TGFBR1: variants seen among roughly 807,000 people sequenced by gnomAD.
TGFBR1 encodes transforming growth factor beta receptor 1.
Under a neutral mutation model 55.1 loss-of-function variants are expected in TGFBR1, and 20 were observed. The ratio of observed to expected loss-of-function variants is 0.36; its 90% CI spans 0.26 to 0.53. The LOEUF (loss-of-function observed/expected upper bound fraction) is 0.53. TGFBR1 is among the 20% of genes least tolerant of loss of function. The pLI is 0.91. For synonymous variants in TGFBR1, 220 were observed against 214.8 expected (o/e 1.02, Z -0.21); for missense variants, 385 against 617.6 (o/e 0.62, Z 3.99).
chr9:99,127,743 C>T (rs956174111), intron 1 of TGFBR1: 2 of 362,082 alleles, frequency 5.5e-6, no homozygotes, highest in African/African-American at 2.1e-5. Context: ...TTCCGTGTAC[C>T]TAGACTCCTT....
chr9:99,112,935 C>G (rs1047721419), intron 1 of TGFBR1, among the ~76,000 whole-genome samples: 1 of 152,100 alleles, frequency 6.6e-6, no homozygotes, highest in Non-Finnish European at 1.5e-5. Context: ...CTCTCTCTCT[C>G]TCTCTGTCTT....
At chr9:99,144,945 CTT>C in intron 6 of TGFBR1, 57 bp downstream of exon 6, 6 of 1,576,848 alleles carry the variant, frequency 3.8e-6, no homozygotes, top group Non-Finnish European at 5.2e-6. Flanking sequence ...TTTCCCTTCT[CTT>C]TCATATATAC....
At chr9:99,131,441 A>G (rs1827221436) in intron 2 of TGFBR1, among the ~76,000 whole-genome samples, 1 of 152,198 alleles carries the variant, frequency 6.6e-6, no homozygotes, top group African/African-American at 2.4e-5. Context: ...GATCTTAAGA[A>G]TGGGAAAGAT....
intron 1 of TGFBR1, among the ~76,000 whole-genome samples, chr9:99,121,385 A>C (rs1564139199): frequency 6.6e-6 from 1 of 152,184 alleles, no homozygotes; most frequent in African/African-American, 2.4e-5. Flanking sequence ...TACAGAGATA[A>C]GCAACATATT....
In TGFBR1 at chr9:99,150,322, AT is replaced by A. The variant is rs1160789970; in HGVS notation, c.*1022del. ...TTTAATATTTGTAGCATACAGACTA[AT>A]TTTTCTAAAAGGGAAAGTCTGTCTA... On this transcript the variant is annotated 3_prime_UTR_variant, in exon 9 of 9. Coordinates refer to ENST00000374994, the MANE Select transcript of TGFBR1 (RefSeq NM_004612.4). The A allele has an allele frequency of 5.0e-6, 1 of 199,466 alleles. No individual in the cohort carries two copies. The highest frequency in any genetic ancestry group is 2.3e-5 in the African/African-American group (1 of 43,440). The allele number at this position is 199,466 out of a possible 1,614,324, so 12.4% of individuals were successfully genotyped here.
At chr9:99,132,391 T>A in intron 2 of TGFBR1, 118 bp from the exon 3 acceptor site, 1 of 1,529,184 alleles carries the variant, frequency 6.5e-7, no homozygotes, top group South Asian at 1.2e-5. Context: ...TGAGGCTCTT[T>A]GGCTAAGTGG....
chr9:99,111,295 CTTTTTTTTTTTTTTTTT>C (rs3034196), intron 1 of TGFBR1, among the ~76,000 whole-genome samples: 3 of 55,152 alleles, frequency 5.4e-5, no homozygotes, highest in South Asian at 6.8e-4. Flanking sequence ...TGCACCCATG[CTTTTTTTTTTTTTTTTT>C]TTTTTTTTTT....
intron 1 of TGFBR1, among the ~76,000 whole-genome samples, chr9:99,118,516 T>G (rs1259806750): frequency 6.6e-6 from 1 of 152,196 alleles, no homozygotes; most frequent in African/African-American, 2.4e-5. Context: ...TTAAATATCA[T>G]GAATAGCTGT....
At chr9:99,146,082 C>T (rs921601449) in intron 6 of TGFBR1, 4 of 289,626 alleles carry the variant, frequency 1.4e-5, no homozygotes, top group Non-Finnish European at 2.6e-5. Context: ...GACTGGCATT[C>T]TTTTGTATCT....
intron 3 of TGFBR1, among the ~76,000 whole-genome samples, chr9:99,134,050 A>G (rs1373301342): frequency 6.6e-6 from 1 of 152,114 alleles, no homozygotes; most frequent in Non-Finnish European, 1.5e-5. Context: ...GTGATATTAA[A>G]GGAATGTTAA....
In TGFBR1 at chr9:99,105,255, TGGC is replaced by T. The variant is rs11466445; in HGVS notation, c.76_78del (p.Ala26del). The T allele has an allele frequency of 1.7e-3, 1,773 of 1,041,918 alleles. 24 individuals carry two copies. The African/African-American group carries it at 0.023, about 14-fold the overall frequency. 64.5% of individuals were successfully genotyped at this position (1,041,918 alleles called of 1,614,324 possible). ...CGTCCCCGGCTGCTCCTCCTCGTGC[TGGC>T]GGCGGCGGCGGCGGCGGCGGCGGCG... On this transcript the variant is annotated inframe_deletion, in exon 1 of 9. Transcript: ENST00000374994.
intron 4 of TGFBR1, among the ~76,000 whole-genome samples, chr9:99,140,254 G>A (rs574226370): frequency 1.2e-3 from 184 of 152,224 alleles, no homozygotes; most frequent in African/African-American, 4.1e-3. Flanking sequence ...TTCAAGACCA[G>A]CCTGGCTGGC....
At chr9:99,112,785 A>T (rs1826623305) in intron 1 of TGFBR1, among the ~76,000 whole-genome samples, 1 of 152,186 alleles carries the variant, frequency 6.6e-6, no homozygotes. Context: ...TGGTTTAAGC[A>T]TGTTGAGTTT....
Position 99,137,845 on chromosome 9 carries a change from AT to A in TGFBR1, c.575-9del. ...TTGTTGATTGTGTTGAGTACTATTT[AT>A]TTTTACCTTTAGGTTTACCATTGCT... On this transcript the variant is annotated splice_polypyrimidine_tract_variant and intron_variant, in intron 3 of 8. Coordinates refer to ENST00000374994, the MANE Select transcript of TGFBR1 (RefSeq NM_004612.4). 3 of 1,606,808 alleles carry A rather than the reference AT, an allele frequency of 1.9e-6. No individual in the cohort carries two copies. Among genetic ancestry groups the A allele is most frequent in the Non-Finnish European group, 2.6e-6 (3 of 1,173,580 alleles).
chr9:99,153,936 C>T lies in TGFBR1; in HGVS notation c.*4631C>T, dbSNP rs972888270. On this transcript the variant is annotated 3_prime_UTR_variant, in exon 9 of 9. Coordinates refer to ENST00000374994, the MANE Select transcript of TGFBR1 (RefSeq NM_004612.4). ...GATCTCTGTTGCCTTTGGGTCAGCA[C>T]ATTTGTTAGTCTCCTGGGGGTGAAA... 6 of 215,064 alleles carry T rather than the reference C, an allele frequency of 2.8e-5. No individual in the cohort carries two copies. Among genetic ancestry groups the T allele is most frequent in the East Asian group, 6.8e-5 (1 of 14,682 alleles). The allele number at this position is 215,064 out of a possible 1,614,324, so 13.3% of individuals were successfully genotyped here. A position where few individuals can be genotyped will look rare whatever the true frequency, so the allele number is the denominator to read the frequency against.
rs1243183947 is a variant in TGFBR1, at chr9:99,118,777, GCTGGGACTACAGGTGCGTGCCACCACAC to G, written c.98-10073_98-10046del. Among the ~76,000 whole-genome samples the G allele has an allele frequency of 9.9e-5, 15 of 151,386 alleles. No individual in the cohort carries two copies. In the East Asian group the frequency reaches 2.9e-3, roughly 29 times the overall value. ...TCCTTGTGCCCCAGCCTCCCAAATA[GCTGGGACTACAGGTGCGTGCCACCACAC>G]CTGGCTCAAACTTTTATTTTGGCAT... On this transcript the variant is annotated intron_variant, in intron 1 of 8. Transcript: ENST00000374994.
At chr9:99,133,050 A>G (rs1329238676) in intron 3 of TGFBR1, among the ~76,000 whole-genome samples, 1 of 152,230 alleles carries the variant, frequency 6.6e-6, no homozygotes, top group Non-Finnish European at 1.5e-5. Flanking sequence ...GGATAAGAAC[A>G]ATTATTCTCA....
intron 3 of TGFBR1, among the ~76,000 whole-genome samples, chr9:99,134,643 G>A (rs1289066482): frequency 6.6e-6 from 1 of 151,152 alleles, no homozygotes; most frequent in South Asian, 2.1e-4. Flanking sequence ...CTTATACTCC[G>A]GAAAGACACA....
chr9:99,105,054 G>C (rs1564120100), upstream of TGFBR1: 1 of 529,942 alleles, frequency 1.9e-6, no homozygotes. Flanking sequence ...GCGGGAGCCC[G>C]GCAGCCAATG....
Sources: allele counts gnomAD v4.1 joint callset (sites outside exome capture counted in the v4.1 genomes callset), GRCh38; gene constraint gnomAD v4.1.1; transcripts MANE v1.5; gene names NCBI Gene and HGNC (gene_info 2026-07-23, HGNC 2026-07-21).